NALF1: variants seen among roughly 807,000 people sequenced by gnomAD.
NALF1 encodes NALCN channel auxiliary factor 1, also known as family with sequence similarity 155 member A.
A neutral mutation model predicts 48.4 loss-of-function variants in NALF1; 3 were observed. That is an observed-to-expected ratio of 0.06 (90% CI 0.03 to 0.16). The LOEUF is 0.16. Among genes scored for constraint, NALF1 ranks in the 10% least tolerant of loss-of-function variants. NALF1 has a pLI of 1.00. For synonymous variants in NALF1, 262 were observed against 245.7 expected (o/e 1.07, Z -0.62); for missense variants, 526 against 571.5 (o/e 0.92, Z 0.81).
intron 1 of NALF1, among the ~76,000 whole-genome samples, chr13:107,604,841 T>TC (rs1482029722): frequency 3.3e-5 from 5 of 152,062 alleles, no homozygotes; most frequent in Non-Finnish European, 7.4e-5. Context: ...CATCAGCAAG[T>TC]CCCCCTCTCA....
At chr13:107,245,827 A>T (rs1289789865) in intron 1 of NALF1, among the ~76,000 whole-genome samples, 1 of 152,024 alleles carries the variant, frequency 6.6e-6, no homozygotes, top group Admixed American at 6.6e-5. Context: ...ACTGTAGATG[A>T]CTCCCAAATT....
At chr13:107,669,026 T>C (rs1308752445) in intron 1 of NALF1, among the ~76,000 whole-genome samples, 1 of 152,148 alleles carries the variant, frequency 6.6e-6, no homozygotes, top group Non-Finnish European at 1.5e-5. Flanking sequence ...TTAATACTTA[T>C]ACACTTTTGC....
At chr13:107,341,312 G>A (rs1298396686) in intron 1 of NALF1, among the ~76,000 whole-genome samples, 1 of 152,076 alleles carries the variant, frequency 6.6e-6, no homozygotes, top group Non-Finnish European at 1.5e-5. Flanking sequence ...GCAATGGAGA[G>A]GCACAATAAG....
chr13:107,598,111 T>C (rs1878808828), intron 1 of NALF1, among the ~76,000 whole-genome samples: 1 of 152,118 alleles, frequency 6.6e-6, no homozygotes, highest in South Asian at 2.1e-4. Context: ...AGGTTAGTAT[T>C]TTGCTCTCTG....
At chr13:107,344,493 T>C (rs1201921370) in intron 1 of NALF1, among the ~76,000 whole-genome samples, 1 of 152,160 alleles carries the variant, frequency 6.6e-6, no homozygotes, top group African/African-American at 2.4e-5. Context: ...ACACTGTGAC[T>C]AAGTTGGATT....
Position 107,800,672 on chromosome 13 carries a change from G to A in NALF1, c.915+65010C>T, listed in dbSNP as rs563411971. 6.8e-5 allele frequency among the ~76,000 whole-genome samples: 10 copies of A among 146,016 alleles called. No homozygotes were observed. The South Asian group carries it at 1.9e-3, about 28-fold the overall frequency. On this transcript the variant is annotated intron_variant, in intron 1 of 2. Coordinates refer to ENST00000375915, the MANE Select transcript of NALF1 (RefSeq NM_001080396.3). ...TATATAATATATAATACATCATATT[G>A]TATTTTATTGGTAATAAAATATATT...
chr13:107,251,520 C>T (rs539128600), intron 1 of NALF1, among the ~76,000 whole-genome samples: 1 of 152,206 alleles, frequency 6.6e-6, no homozygotes, highest in Non-Finnish European at 1.5e-5. Flanking sequence ...AAGAGAGAAG[C>T]CCCTGCCTAC....
intron 1 of NALF1, among the ~76,000 whole-genome samples, chr13:107,517,156 T>A (rs9520474): frequency 0.64 from 98,061 of 152,078 alleles, 33,944 homozygotes; most frequent in Middle Eastern, 0.8. Flanking sequence ...GATATTTAGC[T>A]AAAGATTCTA....
At chr13:107,762,537 A>C (rs1877293624) in intron 1 of NALF1, among the ~76,000 whole-genome samples, 3 of 152,178 alleles carry the variant, frequency 2.0e-5, no homozygotes, top group Admixed American at 1.3e-4. Context: ...GGGATCTATG[A>C]TGGGAACTAG....
chr13:107,242,283 G>C (rs1469808170), intron 1 of NALF1, among the ~76,000 whole-genome samples: 1 of 152,194 alleles, frequency 6.6e-6, no homozygotes, highest in Non-Finnish European at 1.5e-5. Flanking sequence ...GCAGCCGAGT[G>C]TCCTCACAGT....
At chr13:107,423,558 G>GA (rs1041800314) in intron 1 of NALF1, among the ~76,000 whole-genome samples, 1 of 151,276 alleles carries the variant, frequency 6.6e-6, no homozygotes, top group Admixed American at 6.6e-5. Flanking sequence ...TCAAAAAGAG[G>GA]AAAAAAAACT....
At chr13:107,564,870 C>G (rs966385364) in intron 1 of NALF1, among the ~76,000 whole-genome samples, 1 of 151,866 alleles carries the variant, frequency 6.6e-6, no homozygotes, top group African/African-American at 2.4e-5. Flanking sequence ...GACCTCAGCC[C>G]AAATTCCCCC....
At chr13:107,670,737 C>A (rs1880970858) in intron 1 of NALF1, among the ~76,000 whole-genome samples, 1 of 152,104 alleles carries the variant, frequency 6.6e-6, no homozygotes, top group Admixed American at 6.6e-5. Context: ...TGGCACAGTG[C>A]TGCTCATATT....
chr13:107,784,663 A>G (rs1878018256), intron 1 of NALF1, among the ~76,000 whole-genome samples: 1 of 152,192 alleles, frequency 6.6e-6, no homozygotes, highest in Non-Finnish European at 1.5e-5. Flanking sequence ...CAACATCATT[A>G]ATGATCAGGG....
intron 1 of NALF1, among the ~76,000 whole-genome samples, chr13:107,368,585 G>A (rs4294667): frequency 6.6e-6 from 1 of 152,092 alleles, no homozygotes; most frequent in Non-Finnish European, 1.5e-5. Context: ...TTCTTGGCAT[G>A]CCTCGGCTTG....
intron 1 of NALF1, among the ~76,000 whole-genome samples, chr13:107,339,556 C>T (rs1882630431): frequency 6.6e-6 from 1 of 152,070 alleles, no homozygotes; most frequent in African/African-American, 2.4e-5. Flanking sequence ...CGGGACTCCC[C>T]AGAGCTGTTG....
Position 107,691,272 on chromosome 13 carries a change from G to A in NALF1, c.915+174410C>T, listed in dbSNP as rs1305245792. Among the ~76,000 whole-genome samples the A allele has an allele frequency of 2.0e-5, 3 of 152,194 alleles. No homozygotes were observed. In the East Asian group the frequency reaches 5.8e-4, roughly 29 times the overall value. ...GATTCTCCTCACCGCCTCAGAAGGA[G>A]CCAACCCTGCCAGCACCTTGACTTT... is the stretch of plus-strand genomic sequence containing the variant. On this transcript the variant is annotated intron_variant, in intron 1 of 2. Coordinates refer to ENST00000375915, the MANE Select transcript of NALF1 (RefSeq NM_001080396.3).
At chr13:107,548,360 T>A (rs1366756550) in intron 1 of NALF1, among the ~76,000 whole-genome samples, 1 of 152,132 alleles carries the variant, frequency 6.6e-6, no homozygotes, top group Non-Finnish European at 1.5e-5. Context: ...ATTTTCTTTA[T>A]CCAATCTGTC....
intron 1 of NALF1, among the ~76,000 whole-genome samples, chr13:107,283,761 G>A (rs1030298257): frequency 2.0e-5 from 3 of 151,844 alleles, no homozygotes; most frequent in Non-Finnish European, 4.4e-5. Flanking sequence ...CCAGGTTCAC[G>A]TCATTCTCCT....
Sources: allele counts gnomAD v4.1 joint callset (sites outside exome capture counted in the v4.1 genomes callset), GRCh38; gene constraint gnomAD v4.1.1; transcripts MANE v1.5; gene names NCBI Gene and HGNC (gene_info 2026-07-23, HGNC 2026-07-21).